Variants in MTERF4 observed in about 807,000 individuals in gnomAD.
MTERF4 encodes the protein transcription termination factor 4, mitochondrial.
Under a neutral mutation model 22.5 loss-of-function variants are expected in MTERF4, and 17 were observed. The observed-to-expected ratio is 0.75, with a 90% confidence interval of 0.52 to 1.13. The LOEUF is 1.13. MTERF4 is among the 50% of genes most tolerant of loss of function. MTERF4 has a pLI of 0.00. For missense variants in MTERF4, 420 were observed against 466.8 expected (o/e 0.90, Z 0.92); for synonymous variants, 165 against 175.3 (o/e 0.94, Z 0.47).
downstream of MTERF4, chr2:241,090,486 C>G: frequency 6.7e-7 from 1 of 1,502,448 alleles, no homozygotes; most frequent in East Asian, 2.5e-5. Flanking sequence ...AATACGTAAA[C>G]CAGTAACATC....
At chr2:241,072,440 G>A in exon 5 of MTERF4, 1 of 358,106 alleles carries the variant, frequency 2.8e-6, no homozygotes, top group Admixed American at 3.8e-5. Context: ...GCAGGAGTGA[G>A]GCAGGCGCGA....
downstream of MTERF4, chr2:241,072,054 T>C (rs2062753988): frequency 2.8e-6 from 2 of 710,192 alleles, no homozygotes; most frequent in Non-Finnish European, 2.5e-6. Context: ...GCCGGCAGCA[T>C]GCACCTCCAT....
chr2:241,095,811 A>G lies in MTERF4; in HGVS notation c.*187T>C. On this transcript the variant is annotated 3_prime_UTR_variant, in exon 4 of 4. Transcript: ENST00000391980. ...ACACGTGACAACAGATCAAACATGCATTTCCTGTTTCCTGTTTGGTTTGAT... is the reference window on the plus strand; with the variant it reads ...ACACGTGACAACAGATCAAACATGCGTTTCCTGTTTCCTGTTTGGTTTGAT... 9.4e-7 allele frequency: 1 copy of G among 1,060,630 alleles called. No homozygotes were observed. Among genetic ancestry groups the G allele is most frequent in the East Asian group, 2.4e-5 (1 of 41,784 alleles). 65.7% of individuals were successfully genotyped at this position (1,060,630 alleles called of 1,614,324 possible).
intron 1 of MTERF4, among the ~76,000 whole-genome samples, chr2:241,101,829 G>A (rs1461942362): frequency 6.6e-6 from 1 of 152,202 alleles, no homozygotes; most frequent in Non-Finnish European, 1.5e-5. Context: ...GAGGCGGGTG[G>A]ATCACCTGAG....
rs147619273 is a variant in MTERF4 at position 241,095,745 on chromosome 2, A to C, written c.*253T>G. The C allele has an allele frequency of 7.3e-6, 4 of 549,176 alleles. No individual in the cohort carries two copies. The East Asian group carries it at 9.1e-5, about 12-fold the overall frequency. The allele number at this position is 549,176 out of a possible 1,614,324, so 34.0% of individuals were successfully genotyped here. A position where few individuals can be genotyped will look rare whatever the true frequency, so the allele number is the denominator to read the frequency against. On this transcript the variant is annotated 3_prime_UTR_variant, in exon 4 of 4. Coordinates refer to ENST00000391980, the MANE Select transcript of MTERF4 (RefSeq NM_182501.4). The stretch of plus-strand genomic sequence containing the variant: ...GTCCCCTTGATGTGAATAGCTCAAC[A>C]TAAGTATCTTATTCAGGATGGGACA...
Position 241,096,739 on chromosome 2 carries a change from A to AGG in MTERF4, c.706-302_706-301insCC. 1 of 602,312 alleles carries AGG rather than the reference A, an allele frequency of 1.7e-6. No individual in the cohort carries two copies. 37.3% of individuals were successfully genotyped at this position (602,312 alleles called of 1,614,324 possible). The stretch of plus-strand genomic sequence containing the variant: ...CTTTAAATGGGGAAGGAAAAGGATG[A>AGG]ATATGGAAAGAATAGGCAAAACATT... On this transcript the variant is annotated intron_variant, in intron 3 of 3. Transcript: ENST00000391980. The surrounding 1 kb of genome is among the most constrained non-coding windows in gnomAD (Gnocchi z 5.1).
Position 241,095,840 on chromosome 2 carries a change from T to C in MTERF4, c.*158A>G. ...CCTGTTTCCTGTTTGGTTTGATCTG[T>C]CTGCCTCTCAGGTGACTTATAATTT... is the stretch of plus-strand genomic sequence containing the variant. On this transcript the variant is annotated 3_prime_UTR_variant, in exon 4 of 4. Coordinates refer to ENST00000391980, the MANE Select transcript of MTERF4 (RefSeq NM_182501.4). The C allele has an allele frequency of 1.5e-6, 2 of 1,357,956 alleles. No homozygotes were observed. Among genetic ancestry groups the C allele is most frequent in the Non-Finnish European group, 2.0e-6 (2 of 1,003,162 alleles). The allele number at this position is 1,357,956 out of a possible 1,614,324, so 84.1% of individuals were successfully genotyped here.
At chr2:241,063,708 CTCCCT>C in the MTERF4 span, 1 of 1,567,006 alleles carries the variant, frequency 6.4e-7, no homozygotes, top group Non-Finnish European at 8.7e-7. Flanking sequence ...CAGGTAGGGG[CTCCCT>C]CCAGTGGGCC....
At chr2:241,054,353 AAC>A in the MTERF4 span, among the ~76,000 whole-genome samples, 1 of 152,252 alleles carries the variant, frequency 6.6e-6, no homozygotes, top group African/African-American at 2.4e-5. Flanking sequence ...AAGACAGACT[AAC>A]ACAGGAGTTC....
chr2:241,055,925 AATG>A, the MTERF4 span, among the ~76,000 whole-genome samples: 2 of 152,182 alleles, frequency 1.3e-5, no homozygotes, highest in African/African-American at 2.4e-5. Flanking sequence ...CTCAACTCCT[AATG>A]ATATCACAGG....
chr2:241,072,594 GA>G, exon 5 of MTERF4: 1 of 266,062 alleles, frequency 3.8e-6, no homozygotes, highest in Non-Finnish European at 7.3e-6. Context: ...AGGAGGGAGG[GA>G]AATGCAGCAA....
the MTERF4 span, chr2:241,062,831 C>T: frequency 6.2e-7 from 1 of 1,612,062 alleles, no homozygotes; most frequent in Admixed American, 1.7e-5. Flanking sequence ...TGCATGGGGG[C>T]TCTTGTCAGG....
downstream of MTERF4, among the ~76,000 whole-genome samples, chr2:241,086,113 C>T (rs577455908): frequency 4.1e-4 from 62 of 152,172 alleles, no homozygotes; most frequent in East Asian, 7.7e-4. Context: ...GTGATCGGCC[C>T]GCCTTGGCCT....
intron 4 of MTERF4, chr2:241,081,574 G>A (rs1056907723): frequency 1.1e-4 from 97 of 845,702 alleles, no homozygotes; most frequent in Non-Finnish European, 1.6e-4. Flanking sequence ...AGGAGTGCAC[G>A]GCCACCCTGC....
At chr2:241,066,988 G>A in the MTERF4 span, among the ~76,000 whole-genome samples, 11 of 152,346 alleles carry the variant, frequency 7.2e-5, no homozygotes, top group Admixed American at 7.2e-4. Context: ...GGGTGGCACT[G>A]AGCAGGTGTC....
chr2:241,097,878 A>C (rs1365957241), intron 2 of MTERF4, among the ~76,000 whole-genome samples: 1 of 152,240 alleles, frequency 6.6e-6, no homozygotes, highest in Non-Finnish European at 1.5e-5. Flanking sequence ...AGCTGAACTC[A>C]ATGAAAAGGA....
chr2:241,048,381 C>T, the MTERF4 span: 270 of 1,611,276 alleles, frequency 1.7e-4, 1 homozygote, highest in African/African-American at 3.0e-3. Context: ...TGTGTGGATG[C>T]GGACCAGGGC....
the MTERF4 span, chr2:241,053,058 C>A: frequency 1.6e-6 from 2 of 1,220,150 alleles, no homozygotes; most frequent in Non-Finnish European, 2.3e-6. Flanking sequence ...AGCAGGACAT[C>A]CCTGGGCCCT....
chr2:241,097,385 G>A lies in MTERF4; in HGVS notation c.563C>T (p.Thr188Ile). 6.2e-7 allele frequency: 1 copy of A among 1,614,160 alleles called. No individual in the cohort carries two copies. The change falls in exon 3 of 4, where the codon ACC becomes ATC. Residue 188 changes from threonine (T) to isoleucine (I), a missense_variant. Thr to Ile is a moderately conservative substitution (Grantham distance 89). Coordinates refer to ENST00000391980, the MANE Select transcript of MTERF4 (RefSeq NM_182501.4). Reference protein sequence around the residue: ...RVLYCCPEIFTMRQQDINDTV... With the variant: ...RVLYCCPEIFIMRQQDINDTV... ...GTCGTTAATGTCCTGCTGGCGCATG[G>A]TGAAAATTTCAGGGCAACAGTAAAG... is the stretch of plus-strand genomic sequence containing the variant.
Sources: allele counts gnomAD v4.1 joint callset (sites outside exome capture counted in the v4.1 genomes callset), GRCh38; gene constraint gnomAD v4.1.1; non-coding constraint Gnocchi (gnomAD v3.1); transcripts MANE v1.5; gene names NCBI Gene and HGNC (gene_info 2026-07-23, HGNC 2026-07-21).